The following CNGB3 variants were observed in gnomAD, a reference collection of about 807,000 sequenced individuals.
The protein encoded by CNGB3 is cyclic nucleotide-gated channel beta-3.
A neutral mutation model predicts 92.8 loss-of-function variants in CNGB3; 86 were observed. The ratio of observed to expected loss-of-function variants is 0.93; its 90% confidence interval spans 0.78 to 1.11. The LOEUF is 1.11. CNGB3 is among the 50% of genes least tolerant of loss of function. The probability of loss-of-function intolerance (pLI) is 0.00; values close to 1 mark genes in which losing one functional copy is unlikely to be tolerated. For synonymous variants in CNGB3, 333 were observed against 332.7 expected (o/e 1.00, Z -0.01); for missense variants, 1,026 against 956.8 (o/e 1.07, Z -0.95).
intron 10 of CNGB3, among the ~76,000 whole-genome samples, chr8:86,639,979 T>C (rs1001319255): frequency 1.3e-5 from 2 of 152,076 alleles, no homozygotes; most frequent in African/African-American, 4.8e-5. Flanking sequence ...TAGAAAATGA[T>C]CACTTTTAGT....
rs566109408 is a variant in CNGB3, at chr8:86,589,759, G to C, written c.1782-10507C>G. Among the ~76,000 whole-genome samples the C allele has an allele frequency of 3.6e-4, 54 of 151,846 alleles. 1 individual carries two copies. The highest frequency in any genetic ancestry group is 3.4e-3 in the Middle Eastern group (1 of 294). ...TTGCTGAGGAGAGCTTTACTTCCAA[G>C]TATGTGGTCAATTTTGGAATAGGTG... On this transcript the variant is annotated intron_variant, in intron 15 of 17. Coordinates refer to ENST00000320005, the MANE Select transcript of CNGB3 (RefSeq NM_019098.5).
rs750317728 is a variant in CNGB3, at chr8:86,629,071, T to A, written c.1328A>T (p.Asp443Val). 6.2e-7 allele frequency: 1 copy of A among 1,613,962 alleles called. No individual in the cohort carries two copies. Among genetic ancestry groups the A allele is most frequent in the East Asian group, 2.2e-5 (1 of 44,864 alleles). The change falls in exon 12 of 18, where the codon GAT becomes GTT. Residue 443 changes from aspartate (D) to valine (V), a missense_variant. Asp to Val is a radical substitution (Grantham distance 152, BLOSUM62 -3). Coordinates refer to ENST00000320005, the MANE Select transcript of CNGB3 (RefSeq NM_019098.5). The part of the protein sequence containing the change: ...VFSSLIGQMR[D>V]VIGAATANQN... ...ATTGGCTGTAGCTGCTCCAATCACA[T>A]CTCTCATCTAAAACCACAAATATGG...
chr8:86,577,332 A>G (rs1821680049), intron 17 of CNGB3, among the ~76,000 whole-genome samples: 1 of 152,204 alleles, frequency 6.6e-6, no homozygotes, highest in African/African-American at 2.4e-5. Flanking sequence ...TGAAATTTAC[A>G]AAGTTATTTT....
At chr8:86,611,699 A>G (rs750366014) in intron 13 of CNGB3, 28 bp from the exon 14 acceptor site, 1 of 1,489,634 alleles carries the variant, frequency 6.7e-7, no homozygotes. Flanking sequence ...TAATTCTTAT[A>G]GAAACAACTA....
intron 6 of CNGB3, among the ~76,000 whole-genome samples, chr8:86,656,555 C>T (rs948178949): frequency 6.6e-6 from 1 of 152,182 alleles, no homozygotes; most frequent in African/African-American, 2.4e-5. Context: ...AATTATCTCT[C>T]CCTCTTTTAA....
At chr8:86,682,939 G>A (rs1242804017) in intron 3 of CNGB3, among the ~76,000 whole-genome samples, 1 of 152,118 alleles carries the variant, frequency 6.6e-6, no homozygotes, top group African/African-American at 2.4e-5. Context: ...TCAGCTGTTA[G>A]AGCCCTGGAG....
At chr8:86,726,692 T>A in intron 2 of CNGB3, 35 bp from the exon 3 acceptor site, 2 of 1,611,828 alleles carry the variant, frequency 1.2e-6, no homozygotes, top group Non-Finnish European at 1.7e-6. Flanking sequence ...TAGAAGAATG[T>A]ACAACACTCT....
At chr8:86,658,237 C>A in intron 6 of CNGB3, 1 of 555,328 alleles carries the variant, frequency 1.8e-6, no homozygotes, top group African/African-American at 1.9e-5. Context: ...CGTGGCCATG[C>A]CTGCTCCTCC....
chr8:86,589,785 T>A (rs1237847429), intron 15 of CNGB3, among the ~76,000 whole-genome samples: 1 of 151,810 alleles, frequency 6.6e-6, no homozygotes, highest in South Asian at 2.1e-4. Context: ...GGAATAGGTG[T>A]GGTGTGGTGC....
rs769889004 is a variant in CNGB3, at chr8:86,579,241, G to T, written c.1793C>A (p.Ala598Glu). Reference protein sequence around the residue: ...SVFGEISLLAAGGGNRRTANV... With the variant: ...SVFGEISLLAEGGGNRRTANV... ...GGCAGTTCGACGGTTTCCTCCTCCT[G>T]CTGCTAGAAGGCTGTAAGAGAGAAA... Residue 598 changes from alanine to glutamate, a missense_variant, in exon 16 of 18, where the codon GCA (alanine) becomes GAA (glutamate). Coordinates refer to ENST00000320005, the MANE Select transcript of CNGB3 (RefSeq NM_019098.5). 1 of 1,614,004 alleles carries T rather than the reference G, an allele frequency of 6.2e-7. No homozygotes were observed. The highest frequency in any genetic ancestry group is 2.2e-5 in the East Asian group (1 of 44,870).
Position 86,579,261 on chromosome 8 carries a change from G to C in CNGB3, c.1782-9C>G. 6.2e-7 allele frequency: 1 copy of C among 1,613,660 alleles called. No individual in the cohort carries two copies. The highest frequency in any genetic ancestry group is 1.1e-5 in the South Asian group (1 of 91,074). ...CTCCTGCTGCTAGAAGGCTGTAAGA[G>C]AGAAAAATGAGTCTTTGCCACCAGT... On this transcript the variant is annotated splice_polypyrimidine_tract_variant and intron_variant, in intron 15 of 17. Coordinates refer to ENST00000320005, the MANE Select transcript of CNGB3 (RefSeq NM_019098.5).
intron 4 of CNGB3, among the ~76,000 whole-genome samples, chr8:86,668,864 T>C (rs1471089323): frequency 6.6e-6 from 1 of 151,974 alleles, no homozygotes; most frequent in East Asian, 1.9e-4. Context: ...TATTCATGTG[T>C]AAAAATTATC....
At chr8:86,724,530 C>T (rs1023645695) in intron 3 of CNGB3, among the ~76,000 whole-genome samples, 1 of 152,006 alleles carries the variant, frequency 6.6e-6, no homozygotes, top group Non-Finnish European at 1.5e-5. Flanking sequence ...GATGTAGGTA[C>T]TGGGGATACT....
At chr8:86,734,200 T>C (rs1489646950) in intron 2 of CNGB3, among the ~76,000 whole-genome samples, 3 of 152,078 alleles carry the variant, frequency 2.0e-5, no homozygotes, top group Non-Finnish European at 4.4e-5. Context: ...TCCAGAGCAG[T>C]TTTTAGCTTT....
chr8:86,615,588 G>A (rs1403426843), intron 13 of CNGB3, among the ~76,000 whole-genome samples: 1 of 152,054 alleles, frequency 6.6e-6, no homozygotes, highest in African/African-American at 2.4e-5. Flanking sequence ...GGGTGACAGA[G>A]TGAGACCCTG....
At chr8:86,647,146 T>G (rs1480571292) in intron 8 of CNGB3, among the ~76,000 whole-genome samples, 1 of 151,092 alleles carries the variant, frequency 6.6e-6, no homozygotes, top group Non-Finnish European at 1.5e-5. Context: ...TATCTTGAAG[T>G]TTTTTCCATA....
At position 86,604,117 on chromosome 8, in the gene CNGB3, G is replaced by A; in HGVS notation, c.1757C>T (p.Ala586Val). Residue 586 changes from alanine to valine, a missense_variant, in exon 15 of 18, where the codon GCT becomes GTT. Physicochemically the swap from Ala to Val is moderately conservative, Grantham distance 64. Coordinates refer to ENST00000320005, the MANE Select transcript of CNGB3 (RefSeq NM_019098.5). Reference protein sequence around the residue: ...DGTKVLVTLKAGSVFGEISLL... With the variant: ...DGTKVLVTLKVGSVFGEISLL... ...CCTGATTTCTCCAAACACCGACCCA[G>A]CTTTCAGAGTAACCAGAACTTTAGT... 1 of 1,612,532 alleles carries A rather than the reference G, an allele frequency of 6.2e-7. No individual in the cohort carries two copies. Among genetic ancestry groups the A allele is most frequent in the Non-Finnish European group, 8.5e-7 (1 of 1,178,664 alleles).
At chr8:86,657,824 C>T (rs571090547) in intron 6 of CNGB3, 19 of 510,404 alleles carry the variant, frequency 3.7e-5, no homozygotes, top group East Asian at 2.6e-4. Context: ...TCTGGTGCCA[C>T]GTCTTCAGCA....
Position 86,634,745 on chromosome 8 carries a change from A to G in CNGB3, c.1179-1852T>C, listed in dbSNP as rs370263190. On this transcript the variant is annotated intron_variant, in intron 10 of 17. Transcript: ENST00000320005. The stretch of plus-strand genomic sequence containing the variant: ...TTTATTTCTTATCTAGGTATGCCAC[A>G]TATAACATTAGCACTTTGGGTAACT... Among the ~76,000 whole-genome samples, 71 of 151,522 alleles carry G rather than the reference A, an allele frequency of 4.7e-4. No homozygotes were observed. In the South Asian group the frequency reaches 0.015, roughly 31 times the overall value.
Sources: gnomAD v4.1 joint callset for allele counts (sites outside exome capture counted in the v4.1 genomes callset) on GRCh38, gnomAD v4.1.1 for gene constraint, MANE v1.5 for transcripts, NCBI Gene and HGNC (gene_info 2026-07-23, HGNC 2026-07-21) for gene names.